EBF1: variants seen among roughly 807,000 people sequenced by gnomAD.
EBF1 encodes transcription factor COE1.
Under a neutral mutation model 68.4 loss-of-function variants are expected in EBF1, and 10 were observed. That is an observed-to-expected ratio of 0.15 (90% CI 0.09 to 0.25). EBF1 has a LOEUF of 0.25. EBF1 is among the 10% of genes least tolerant of loss of function. The probability of loss-of-function intolerance (pLI) is 1.00; values close to 1 mark genes in which losing one functional copy is unlikely to be tolerated. For synonymous variants in EBF1, 298 were observed against 299.8 expected (o/e 0.99, Z 0.06); for missense variants, 509 against 794.4 (o/e 0.64, Z 4.32).
At chr5:158,802,666 C>T (rs1408932530) in intron 8 of EBF1, among the ~76,000 whole-genome samples, 1 of 152,112 alleles carries the variant, frequency 6.6e-6, no homozygotes, top group African/African-American at 2.4e-5. Context: ...TGAAAATGGG[C>T]AAGAGCTCCA....
chr5:158,968,356 C>T (rs1481346568), intron 6 of EBF1, among the ~76,000 whole-genome samples: 7 of 152,168 alleles, frequency 4.6e-5, no homozygotes, highest in South Asian at 2.1e-4. Context: ...GACATTTTAA[C>T]GTTATCTTGT....
chr5:158,974,339 C>T (rs1756277918), intron 6 of EBF1, among the ~76,000 whole-genome samples: 1 of 152,188 alleles, frequency 6.6e-6, no homozygotes, highest in African/African-American at 2.4e-5. Context: ...GGAAGGTAGC[C>T]AGTGTTTCTG....
chr5:158,846,658 G>A (rs535796344), intron 6 of EBF1, among the ~76,000 whole-genome samples: 58 of 152,290 alleles, frequency 3.8e-4, no homozygotes, highest in Middle Eastern at 6.8e-3. Context: ...CAAAGAAAGC[G>A]TTTTGGTTCC....
At chr5:159,066,845 A>G (rs1466521683) in intron 6 of EBF1, among the ~76,000 whole-genome samples, 2 of 152,180 alleles carry the variant, frequency 1.3e-5, no homozygotes, top group Non-Finnish European at 2.9e-5. Context: ...ACTGTTCACC[A>G]TATTTCATTG....
intron 8 of EBF1, among the ~76,000 whole-genome samples, chr5:158,799,863 A>G (rs1780276518): frequency 6.6e-6 from 1 of 152,144 alleles, no homozygotes; most frequent in Non-Finnish European, 1.5e-5. Flanking sequence ...AAATTTTTCA[A>G]TCTTTCAATG....
intron 10 of EBF1, among the ~76,000 whole-genome samples, chr5:158,747,483 T>C (rs1194056849): frequency 1.3e-5 from 2 of 152,140 alleles, no homozygotes; most frequent in African/African-American, 2.4e-5. Flanking sequence ...CATCTTCATA[T>C]ACATGATCTA....
intron 6 of EBF1, among the ~76,000 whole-genome samples, chr5:158,908,468 T>C (rs1261162657): frequency 2.0e-5 from 3 of 152,234 alleles, no homozygotes; most frequent in African/African-American, 7.2e-5. Context: ...TTTCCCATCT[T>C]AGCAAGCTCC....
At chr5:158,835,002 T>C (rs1788436232) in intron 7 of EBF1, among the ~76,000 whole-genome samples, 1 of 152,028 alleles carries the variant, frequency 6.6e-6, no homozygotes, top group South Asian at 2.1e-4. Flanking sequence ...AGTTTTTTTG[T>C]GCCAGAAAGA....
At chr5:159,096,499 C>CGG (rs1445063016) in intron 2 of EBF1, 93 bp from the exon 3 acceptor site, 1 of 1,450,748 alleles carries the variant, frequency 6.9e-7, no homozygotes, top group African/African-American at 1.4e-5. Context: ...TTCCCCAAGC[C>CGG]GGGACCCCCG....
chr5:159,099,280 C>A (rs1429191464), intron 1 of EBF1, 65 bp downstream of exon 1: 2 of 1,308,640 alleles, frequency 1.5e-6, no homozygotes, highest in East Asian at 2.9e-5. Flanking sequence ...CTGCCGCTGC[C>A]GCCTCCGCCT....
At chr5:159,047,358 G>A (rs936072764) in intron 6 of EBF1, among the ~76,000 whole-genome samples, 3 of 152,172 alleles carry the variant, frequency 2.0e-5, no homozygotes, top group African/African-American at 7.2e-5. Context: ...GATCAGCTTC[G>A]AATTCTCAAA....
chr5:158,759,006 C>T (rs545066597), intron 10 of EBF1, among the ~76,000 whole-genome samples: 25 of 152,250 alleles, frequency 1.6e-4, no homozygotes, highest in Admixed American at 5.9e-4. Context: ...ATACCTAAAA[C>T]GCTTATAAAT....
At position 158,712,971 on chromosome 5, in the gene EBF1, C is replaced by G. The variant is rs750862853; in HGVS notation, c.1368G>C (p.Gln456His). The change falls in exon 13 of 16, where the codon CAG (glutamine) becomes CAC (histidine). Residue 456 changes from glutamine (Q) to histidine (H), a missense_variant and splice_region_variant. Around this residue, in one of 3 missense-constraint regions of EBF1, gnomAD observed 205 missense variants for 247.4 expected, o/e 0.83. Coordinates refer to ENST00000313708, the MANE Select transcript of EBF1 (RefSeq NM_024007.5). ...NVSEASQATN[Q>H]GFTRNSSSVS... ...GGAAGAGAAAAGCAAGCTTCTGACC[C>G]TGATTGGTGGCTTGTGATGCCTCGG... 1.2e-5 allele frequency: 18 copies of G among 1,483,416 alleles called. No homozygotes were observed. In the South Asian group the frequency reaches 2.0e-4, roughly 17 times the overall value. The allele number at this position is 1,483,416 out of a possible 1,614,324, so 91.9% of individuals were successfully genotyped here. A position where few individuals can be genotyped will look rare whatever the true frequency, so the allele number is the denominator to read the frequency against.
At position 158,734,731 on chromosome 5, in the gene EBF1, G is replaced by GA. The variant is rs373603491; in HGVS notation, c.1037-3575dup. ...CAATTCCGAGAATCTGGTAGAGCAA[G>GA]AAAAAAAAACTTAATTGGACACAAT... On this transcript the variant is annotated intron_variant, in intron 10 of 15. Transcript: ENST00000313708. 6.4e-3 allele frequency among the ~76,000 whole-genome samples: 963 copies of GA among 150,078 alleles called. 7 individuals are homozygous for GA. Among genetic ancestry groups the GA allele is most frequent in the Non-Finnish European group, 0.011 (739 of 67,440 alleles).
At chr5:158,903,582 C>G (rs912198394) in intron 6 of EBF1, among the ~76,000 whole-genome samples, 1 of 151,998 alleles carries the variant, frequency 6.6e-6, no homozygotes, top group African/African-American at 2.4e-5. Context: ...ATTTCTTTAT[C>G]TGCTATGTTC....
chr5:159,015,380 A>C (rs1288621972), intron 6 of EBF1, among the ~76,000 whole-genome samples: 1 of 152,322 alleles, frequency 6.6e-6, no homozygotes, highest in Non-Finnish European at 1.5e-5. Flanking sequence ...ACATCCAGCT[A>C]TACTTAAGGT....
At chr5:159,020,509 C>T (rs886320900) in intron 6 of EBF1, among the ~76,000 whole-genome samples, 2 of 152,172 alleles carry the variant, frequency 1.3e-5, no homozygotes, top group Non-Finnish European at 2.9e-5. Context: ...CTCCTCTGCT[C>T]TCTTTACCAC....
intron 6 of EBF1, among the ~76,000 whole-genome samples, chr5:158,976,632 C>T (rs1377260128): frequency 1.3e-5 from 2 of 152,162 alleles, no homozygotes; most frequent in Admixed American, 6.5e-5. Context: ...TGTTAAAATT[C>T]TGGACAGCAA....
chr5:158,809,950 A>T (rs1173422878), intron 8 of EBF1, among the ~76,000 whole-genome samples: 1 of 152,196 alleles, frequency 6.6e-6, no homozygotes, highest in Non-Finnish European at 1.5e-5. Flanking sequence ...TACCTTAATA[A>T]CACTTTCCCC....
Sources: gnomAD v4.1 joint callset for allele counts (sites outside exome capture counted in the v4.1 genomes callset) on GRCh38, gnomAD v4.1.1 for gene constraint, gnomAD v4.1.1 regional missense constraint, MANE v1.5 for transcripts, NCBI Gene and HGNC (gene_info 2026-07-23, HGNC 2026-07-21) for gene names.